Variants in PIK3C3 observed in about 807,000 individuals in gnomAD.
The protein encoded by PIK3C3 is PI3-kinase type 3.
In PIK3C3, 95 loss-of-function variants were observed where a neutral mutation model predicts 126.1. The ratio of observed to expected loss-of-function variants is 0.75; its 90% CI spans 0.64 to 0.89. The LOEUF (loss-of-function observed/expected upper bound fraction) is 0.89. PIK3C3 is among the 40% of genes least tolerant of loss of function. The pLI is 0.00. For missense variants in PIK3C3, 829 were observed against 1,063.2 expected (o/e 0.78, Z 3.06); for synonymous variants, 374 against 360.0 (o/e 1.04, Z -0.44).
intron 20 of PIK3C3, 125 bp downstream of exon 20, chr18:42,043,942 A>G: frequency 3.4e-6 from 2 of 591,688 alleles, no homozygotes; most frequent in South Asian, 2.4e-5. Flanking sequence ...AGAGTAAAAG[A>G]TAAATGTTGA....
intron 9 of PIK3C3, among the ~76,000 whole-genome samples, chr18:41,997,679 C>G (rs936675042): frequency 1.3e-5 from 2 of 152,018 alleles, no homozygotes; most frequent in African/African-American, 4.8e-5. Context: ...TTCTTTAAAT[C>G]CCATAACAAC....
intron 4 of PIK3C3, among the ~76,000 whole-genome samples, chr18:41,975,032 C>T (rs1388094701): frequency 6.6e-6 from 1 of 152,138 alleles, no homozygotes; most frequent in East Asian, 1.9e-4. Context: ...GCTTTGTACT[C>T]TGTGTGACAC....
chr18:41,988,543 T>G lies in PIK3C3; in HGVS notation c.618+645T>G, dbSNP rs1426096597. 2.6e-5 allele frequency among the ~76,000 whole-genome samples: 4 copies of G among 152,278 alleles called. No individual in the cohort carries two copies. The East Asian group carries it at 7.7e-4, about 29-fold the overall frequency. On this transcript the variant is annotated intron_variant, in intron 5 of 24. Transcript: ENST00000262039. ...GAAACAATAATTATATTAATCAAAT[T>G]AGGAGAGAAGGACATCAATTTGTGA... is the stretch of plus-strand genomic sequence containing the variant.
chr18:41,993,610 T>C (rs1036099905), intron 7 of PIK3C3, among the ~76,000 whole-genome samples: 1 of 152,082 alleles, frequency 6.6e-6, no homozygotes, highest in Non-Finnish European at 1.5e-5. Flanking sequence ...ACTCTTTTTT[T>C]TTTTCTTCAG....
chr18:41,989,207 A>C (rs1332535357), intron 5 of PIK3C3, among the ~76,000 whole-genome samples: 2 of 151,902 alleles, frequency 1.3e-5, no homozygotes, highest in Non-Finnish European at 2.9e-5. Context: ...TTAGCTTCCC[A>C]AGTTGCTAGG....
chr18:42,070,511 G>A (rs1252328973), intron 24 of PIK3C3: 1 of 152,028 alleles, frequency 6.6e-6, no homozygotes, highest in Non-Finnish European at 1.5e-5. Flanking sequence ...TATTAAAAAT[G>A]GAGGAGAAAA....
chr18:41,955,235 T>A lies in PIK3C3; in HGVS notation c.-57T>A, dbSNP rs985216932. On this transcript the variant is annotated 5_prime_UTR_variant, in exon 1 of 25. It removes an upstream start codon present in the reference 5' UTR. Coordinates refer to ENST00000262039, the MANE Select transcript of PIK3C3 (RefSeq NM_002647.4). The stretch of plus-strand genomic sequence containing the variant: ...TTGTGGGGCTCAGCTGGTTCATTTA[T>A]GTTGTTTTTCCTGTACCTAAGTTCC... 2 of 1,435,666 alleles carry A rather than the reference T, an allele frequency of 1.4e-6. No individual in the cohort carries two copies. Among genetic ancestry groups the A allele is most frequent in the Non-Finnish European group, 2.0e-6 (2 of 1,025,010 alleles). The allele number at this position is 1,435,666 out of a possible 1,614,324, so 88.9% of individuals were successfully genotyped here. A position where few individuals can be genotyped will look rare whatever the true frequency, so the allele number is the denominator to read the frequency against.
intron 4 of PIK3C3, among the ~76,000 whole-genome samples, chr18:41,976,377 A>AT (rs1980924428): frequency 6.6e-6 from 1 of 152,150 alleles, no homozygotes; most frequent in African/African-American, 2.4e-5. Context: ...AAAAAAAAAA[A>AT]ATTGTATTAC....
chr18:42,034,081 A>C (rs2144453623), intron 16 of PIK3C3, 124 bp downstream of exon 16: 1 of 578,940 alleles, frequency 1.7e-6, no homozygotes, highest in South Asian at 3.8e-5. Context: ...GATTTAGTAA[A>C]TGCTAGATTG....
chr18:42,017,974 T>G (rs1035240537), intron 12 of PIK3C3, among the ~76,000 whole-genome samples: 2 of 145,458 alleles, frequency 1.4e-5, no homozygotes, highest in Admixed American at 7.3e-5. Flanking sequence ...TTTAGTACTT[T>G]CTATACTTTC....
intron 8 of PIK3C3, 49 bp from the exon 9 acceptor site, chr18:41,996,589 A>G: frequency 1.3e-6 from 1 of 792,802 alleles, no homozygotes; most frequent in Non-Finnish European, 2.1e-6. Context: ...GGAAATATAT[A>G]GGACATGTAT....
chr18:42,041,634 CTGAGA>C, intron 19 of PIK3C3, among the ~76,000 whole-genome samples: 1 of 151,000 alleles, frequency 6.6e-6, no homozygotes, highest in Admixed American at 6.6e-5. Flanking sequence ...ATGGATACAC[CTGAGA>C]TGAAAGATAA....
chr18:42,075,581 T>C (rs1485962215), intron 24 of PIK3C3, among the ~76,000 whole-genome samples: 1 of 151,972 alleles, frequency 6.6e-6, no homozygotes, highest in African/African-American at 2.4e-5. Context: ...CTACAAGTTA[T>C]GTATTTACAG....
intron 16 of PIK3C3, among the ~76,000 whole-genome samples, chr18:42,036,635 A>ATT (rs139934356): frequency 1.2e-4 from 18 of 148,478 alleles, no homozygotes; most frequent in African/African-American, 3.9e-4. Context: ...TAATTTCTTT[A>ATT]TTTTTTTTTT....
rs147635284 is a variant in PIK3C3 at position 42,036,924 on chromosome 18, G to C, written c.1840-768G>C. 2.2e-3 allele frequency among the ~76,000 whole-genome samples: 336 copies of C among 152,254 alleles called. 1 individual carries two copies. The highest frequency in any genetic ancestry group is 7.5e-3 in the African/African-American group (311 of 41,542). ...AATCCTCCAGCTGACTTTATGTCAT[G>C]CATTACAGTCAAAACACGGTCAGAA... On this transcript the variant is annotated intron_variant, in intron 16 of 24. Transcript: ENST00000262039.
Position 42,009,691 on chromosome 18 carries a change from T to C in PIK3C3, c.1171-3751T>C, listed in dbSNP as rs933367261. ...TATGTAATGCTTACATTATGTAATG[T>C]ACATTATGTAATGCTTACATTATGT... On this transcript the variant is annotated intron_variant, in intron 10 of 24. Transcript: ENST00000262039. Among the ~76,000 whole-genome samples the C allele has an allele frequency of 4.7e-5, 7 of 147,874 alleles. No homozygotes were observed. The East Asian group carries it at 1.4e-3, about 30-fold the overall frequency.
chr18:41,967,909 A>T (rs1240288907), intron 3 of PIK3C3, among the ~76,000 whole-genome samples: 1 of 152,142 alleles, frequency 6.6e-6, no homozygotes, highest in Non-Finnish European at 1.5e-5. Flanking sequence ...TCAGAAGGAG[A>T]TCCTGCTGTG....
At chr18:41,958,660 G>A (rs774536497) in intron 2 of PIK3C3, among the ~76,000 whole-genome samples, 13 of 151,884 alleles carry the variant, frequency 8.6e-5, no homozygotes, top group Non-Finnish European at 1.0e-4. Flanking sequence ...CTGTCTGTCT[G>A]TCTATCTAGC....
intron 22 of PIK3C3, among the ~76,000 whole-genome samples, chr18:42,063,139 C>T (rs1985391091): frequency 1.5e-5 from 2 of 129,568 alleles, no homozygotes; most frequent in South Asian, 5.1e-4. Context: ...TACAACTATA[C>T]CGCCTTAAGA....
Sources: gnomAD v4.1 joint callset for allele counts (sites outside exome capture counted in the v4.1 genomes callset) on GRCh38, gnomAD v4.1.1 for gene constraint, MANE v1.5 for transcripts, NCBI Gene and HGNC (gene_info 2026-07-23, HGNC 2026-07-21) for gene names.